Variants in ATP13A4 observed in about 807,000 individuals in gnomAD.
ATP13A4 encodes ATPase 13A4.
A neutral mutation model predicts 142.5 loss-of-function variants in ATP13A4; 114 were observed. That is an observed-to-expected ratio of 0.80 (90% CI 0.69 to 0.93). The LOEUF is 0.93. Among genes scored for constraint, ATP13A4 ranks in the 40% least tolerant of loss-of-function variants. The pLI, the probability that ATP13A4 is intolerant of heterozygous loss-of-function variation, is 0.00. For synonymous variants in ATP13A4, 488 were observed against 514.8 expected, an observed-to-expected ratio of 0.95 and a Z score of 0.70; for missense variants, 1,392 against 1,454.0, an observed-to-expected ratio of 0.96 and a Z score of 0.69.
chr3:193,437,582 A>G (rs1014556354), intron 23 of ATP13A4, among the ~76,000 whole-genome samples: 11 of 152,014 alleles, frequency 7.2e-5, no homozygotes, highest in Non-Finnish European at 1.3e-4. Context: ...AATTTTCTGA[A>G]CTTCAATTGT....
intron 29 of ATP13A4, 48 bp from the exon 30 acceptor site, chr3:193,402,912 G>C: frequency 6.5e-7 from 1 of 1,544,888 alleles, no homozygotes; most frequent in Non-Finnish European, 8.9e-7. Context: ...TGAGTGTTTT[G>C]AGGCTACAGC....
At chr3:193,480,689 C>T (rs938981310) in intron 8 of ATP13A4, among the ~76,000 whole-genome samples, 61 of 152,150 alleles carry the variant, frequency 4.0e-4, no homozygotes, top group African/African-American at 1.4e-3. Flanking sequence ...GGAATGTAAA[C>T]TAGTAAAACT....
At chr3:193,551,986 T>G (rs1222874115) in intron 1 of ATP13A4, among the ~76,000 whole-genome samples, 2 of 152,222 alleles carry the variant, frequency 1.3e-5, no homozygotes, top group Non-Finnish European at 2.9e-5. Context: ...TCTATTTACT[T>G]ATTTTTGAGA....
intron 1 of ATP13A4, among the ~76,000 whole-genome samples, chr3:193,543,500 G>C (rs576719891): frequency 6.7e-4 from 102 of 152,274 alleles, no homozygotes; most frequent in African/African-American, 2.4e-3. Context: ...GAATAAGTAA[G>C]CAACACTAAA....
chr3:193,570,149 C>CA (rs1177670869), intron 2 of ATP13A4, among the ~76,000 whole-genome samples: 1 of 151,900 alleles, frequency 6.6e-6, no homozygotes, highest in African/African-American at 2.4e-5. Context: ...CAAAACAAAA[C>CA]AAAAAAATTA....
intron 1 of ATP13A4, among the ~76,000 whole-genome samples, chr3:193,582,628 TAC>T (rs1724577438): frequency 1.2e-5 from 1 of 83,948 alleles, no homozygotes; most frequent in African/African-American, 6.3e-5. Flanking sequence ...ATATGTATAT[TAC>T]ATACATTATA....
intron 3 of ATP13A4, among the ~76,000 whole-genome samples, chr3:193,493,657 T>C (rs954797520): frequency 1.3e-5 from 2 of 151,940 alleles, no homozygotes; most frequent in Admixed American, 6.6e-5. Context: ...TTTAAAGAGA[T>C]TGTTCACAAG....
At chr3:193,420,245 C>G (rs919055539) in intron 25 of ATP13A4, among the ~76,000 whole-genome samples, 1 of 149,134 alleles carries the variant, frequency 6.7e-6, no homozygotes, top group Non-Finnish European at 1.5e-5. Context: ...GTAAAATGGC[C>G]ACTGAGGCAC....
At chr3:193,559,900 A>G (rs1260735133), upstream of ATP13A4, among the ~76,000 whole-genome samples, 1 of 152,202 alleles carries the variant, frequency 6.6e-6, no homozygotes, top group Non-Finnish European at 1.5e-5. Flanking sequence ...CAGGTCATTA[A>G]GGACAACCTA....
chr3:193,569,346 C>T (rs1577084370), intron 2 of ATP13A4, among the ~76,000 whole-genome samples: 1 of 152,298 alleles, frequency 6.6e-6, no homozygotes, highest in East Asian at 1.9e-4. Context: ...GTTTGAGAAA[C>T]TGTCACAGCC....
chr3:193,476,907 A>AT (rs1230954339), intron 8 of ATP13A4, among the ~76,000 whole-genome samples: 6 of 152,078 alleles, frequency 3.9e-5, no homozygotes, highest in Non-Finnish European at 8.8e-5. Flanking sequence ...CTGATCACAG[A>AT]TTGCCTTAAC....
chr3:193,581,750 C>T (rs1365223278), exon 2 of ATP13A4: 1 of 152,144 alleles, frequency 6.6e-6, no homozygotes. Context: ...ATGTTTGCTT[C>T]TCCAAGACCC....
intron 11 of ATP13A4, among the ~76,000 whole-genome samples, chr3:193,465,534 A>G (rs533611697): frequency 9.2e-5 from 14 of 152,204 alleles, no homozygotes; most frequent in African/African-American, 3.4e-4. Context: ...AAGAAATGAT[A>G]TCAGTGGGTT....
chr3:193,582,999 T>A lies in ATP13A4; in HGVS notation n.92-1093A>T, dbSNP rs796756688. 9.4e-3 allele frequency among the ~76,000 whole-genome samples: 386 copies of A among 41,054 alleles called. 116 individuals carry two copies. Among genetic ancestry groups the A allele is most frequent in the African/African-American group, 0.03 (349 of 11,648 alleles). 26.9% of individuals were successfully genotyped at this position (41,054 alleles called of 152,430 possible). ...ATATGTATATTACATATATATAAAA[T>A]ATATATATGTATATTATATAGATAT... On this transcript the variant is annotated intron_variant and non_coding_transcript_variant, in intron 1 of 3. Coordinates refer to the ATP13A4 transcript ENST00000489140.
intron 25 of ATP13A4, among the ~76,000 whole-genome samples, chr3:193,423,663 A>C (rs540210438): frequency 2.7e-5 from 4 of 149,980 alleles, no homozygotes; most frequent in African/African-American, 9.8e-5. Context: ...AATTAAGCAT[A>C]GAAGAAATGC....
At chr3:193,528,690 C>T (rs941667381) in intron 1 of ATP13A4, among the ~76,000 whole-genome samples, 2 of 152,040 alleles carry the variant, frequency 1.3e-5, no homozygotes, top group Non-Finnish European at 2.9e-5. Context: ...TTTTAATGCT[C>T]TTATTACTAC....
intron 25 of ATP13A4, among the ~76,000 whole-genome samples, chr3:193,430,803 G>C (rs1221943016): frequency 6.6e-6 from 1 of 152,010 alleles, no homozygotes; most frequent in African/African-American, 2.4e-5. Context: ...GACTTGAATT[G>C]AGTCAAAATG....
chr3:193,566,760 A>C (rs994151691), intron 2 of ATP13A4, among the ~76,000 whole-genome samples: 2 of 152,166 alleles, frequency 1.3e-5, no homozygotes, highest in Non-Finnish European at 2.9e-5. Context: ...TCTGACCCCA[A>C]ATGTCACCCA....
intron 8 of ATP13A4, among the ~76,000 whole-genome samples, chr3:193,472,877 A>G (rs1718704892): frequency 6.6e-6 from 1 of 152,244 alleles, no homozygotes; most frequent in Admixed American, 6.5e-5. Context: ...ATAGAGAAAG[A>G]GATACAACTA....
Sources: allele counts gnomAD v4.1 joint callset (sites outside exome capture counted in the v4.1 genomes callset), GRCh38; gene constraint gnomAD v4.1.1; transcripts MANE v1.5; gene names NCBI Gene and HGNC (gene_info 2026-07-23, HGNC 2026-07-21).